Variants in SPIDR observed in about 807,000 individuals in gnomAD.
The protein encoded by SPIDR is DNA repair-scaffolding protein.
Under a neutral mutation model 104.6 loss-of-function variants are expected in SPIDR, and 93 were observed. The ratio of observed to expected loss-of-function variants is 0.89; its 90% confidence interval spans 0.75 to 1.06. SPIDR has a LOEUF of 1.06. Among genes scored for constraint, SPIDR ranks in the 50% least tolerant of loss-of-function variants. SPIDR has a pLI of 0.00. For synonymous variants in SPIDR, 431 were observed against 416.9 expected (o/e 1.03, Z -0.41); for missense variants, 1,154 against 1,111.2 (o/e 1.04, Z -0.55).
intron 16 of SPIDR, among the ~76,000 whole-genome samples, chr8:47,723,971 C>T (rs1452216704): frequency 2.6e-5 from 4 of 151,214 alleles, no homozygotes; most frequent in Non-Finnish European, 5.9e-5. Context: ...TTTAAATAAA[C>T]TATTATCTTT....
At chr8:47,290,690 A>G (rs2039751132) in intron 3 of SPIDR, among the ~76,000 whole-genome samples, 1 of 152,206 alleles carries the variant, frequency 6.6e-6, no homozygotes, top group Non-Finnish European at 1.5e-5. Flanking sequence ...GCATTTTAAA[A>G]AATTTTTTGT....
intron 5 of SPIDR, among the ~76,000 whole-genome samples, chr8:47,296,389 C>T (rs1033607339): frequency 2.6e-5 from 4 of 152,110 alleles, no homozygotes; most frequent in Non-Finnish European, 4.4e-5. Flanking sequence ...AGTAGCTTTA[C>T]AGTTTCAGGT....
chr8:47,379,085 C>T (rs1215448633), intron 5 of SPIDR, among the ~76,000 whole-genome samples: 1 of 152,090 alleles, frequency 6.6e-6, no homozygotes, highest in African/African-American at 2.4e-5. Flanking sequence ...AGGGCAGTAT[C>T]CGGCACCCTA....
chr8:47,708,352 T>A (rs1033888122), intron 14 of SPIDR, among the ~76,000 whole-genome samples: 1 of 152,122 alleles, frequency 6.6e-6, no homozygotes, highest in Non-Finnish European at 1.5e-5. Flanking sequence ...GCTATAAAAA[T>A]TTTTATTAGA....
At chr8:47,488,082 GGATCAACAAATTGATA>G (rs1336823954) in intron 8 of SPIDR, among the ~76,000 whole-genome samples, 1 of 152,152 alleles carries the variant, frequency 6.6e-6, no homozygotes, top group Non-Finnish European at 1.5e-5. Context: ...TTTTTTGAAA[GGATCAACAAATTGATA>G]GACCACTAGC....
chr8:47,329,991 C>G (rs185533898), intron 5 of SPIDR, among the ~76,000 whole-genome samples: 38 of 152,258 alleles, frequency 2.5e-4, no homozygotes, highest in African/African-American at 9.1e-4. Flanking sequence ...CGCACATATG[C>G]TGAGTTTTAA....
intron 10 of SPIDR, among the ~76,000 whole-genome samples, chr8:47,670,856 A>G (rs1456857643): frequency 6.6e-6 from 1 of 152,090 alleles, no homozygotes. Context: ...CTTGTATCTC[A>G]GGCCTTTATT....
chr8:47,735,861 CT>C lies in SPIDR; in HGVS notation c.*414del. On this transcript the variant is annotated 3_prime_UTR_variant, in exon 20 of 20. Transcript: ENST00000297423. ...AAAGAATACCCTGCAAAGTGTAAACCTTTGTCCCATACTGTGATATTACTGT... is the reference window on the plus strand; with the variant it reads ...AAAGAATACCCTGCAAAGTGTAAACCTTGTCCCATACTGTGATATTACTGT... 1 of 336,450 alleles carries C rather than the reference CT, an allele frequency of 3.0e-6. No individual in the cohort carries two copies. The highest frequency in any genetic ancestry group is 5.6e-6 in the Non-Finnish European group (1 of 178,938). 20.8% of individuals were successfully genotyped at this position (336,450 alleles called of 1,614,324 possible).
chr8:47,592,558 TGC>T, intron 8 of SPIDR: 1 of 1,313,528 alleles, frequency 7.6e-7, no homozygotes, highest in Non-Finnish European at 1.1e-6. Context: ...GAACTGGTTC[TGC>T]CAGCAAACCC....
At chr8:47,520,623 C>T (rs1291281417) in intron 8 of SPIDR, among the ~76,000 whole-genome samples, 5 of 152,168 alleles carry the variant, frequency 3.3e-5, no homozygotes, top group Admixed American at 2.0e-4. Flanking sequence ...AAGAAGCTAA[C>T]TGTATTTAAT....
At chr8:47,264,180 G>A (rs1554544875) in intron 1 of SPIDR, among the ~76,000 whole-genome samples, 1 of 152,206 alleles carries the variant, frequency 6.6e-6, no homozygotes, top group Non-Finnish European at 1.5e-5. Flanking sequence ...AGGTGGTGTG[G>A]TTATGGACTA....
At chr8:47,308,817 G>A (rs917496839) in intron 5 of SPIDR, among the ~76,000 whole-genome samples, 3 of 152,246 alleles carry the variant, frequency 2.0e-5, no homozygotes, top group South Asian at 2.1e-4. Flanking sequence ...TAAGCTGCGC[G>A]CAAGCTGCTC....
intron 6 of SPIDR, among the ~76,000 whole-genome samples, chr8:47,398,442 G>A (rs904596936): frequency 2.0e-5 from 3 of 152,108 alleles, no homozygotes; most frequent in African/African-American, 7.2e-5. Flanking sequence ...TGGAGAAAAA[G>A]CAGAAAAGGG....
chr8:47,673,570 GAA>G, intron 10 of SPIDR: 4 of 587,648 alleles, frequency 6.8e-6, no homozygotes, highest in Non-Finnish European at 9.2e-6. Flanking sequence ...AACACATACA[GAA>G]AGGATATCTT....
intron 1 of SPIDR, 63 bp downstream of exon 1, chr8:47,261,054 G>T: frequency 8.2e-7 from 1 of 1,222,986 alleles, no homozygotes; most frequent in Non-Finnish European, 1.0e-6. Context: ...GCGGCGGGCC[G>T]GCGCGGGGCT....
chr8:47,291,797 T>C (rs2039949426), intron 4 of SPIDR, among the ~76,000 whole-genome samples: 1 of 152,222 alleles, frequency 6.6e-6, no homozygotes, highest in Admixed American at 6.5e-5. Context: ...CGGTAAATAC[T>C]GTGACAACCA....
intron 5 of SPIDR, among the ~76,000 whole-genome samples, chr8:47,371,297 G>T (rs2057993751): frequency 6.6e-6 from 1 of 152,128 alleles, no homozygotes; most frequent in Non-Finnish European, 1.5e-5. Context: ...AGATCACAGG[G>T]ATTAAGAGCA....
intron 8 of SPIDR, among the ~76,000 whole-genome samples, chr8:47,595,577 C>T (rs2061550782): frequency 6.6e-6 from 1 of 152,208 alleles, no homozygotes. Context: ...GAGCCCAAGC[C>T]CAGGGACTTA....
At chr8:47,668,730 GTACAC>G (rs2075355573) in intron 10 of SPIDR, among the ~76,000 whole-genome samples, 1 of 152,082 alleles carries the variant, frequency 6.6e-6, no homozygotes, top group Non-Finnish European at 1.5e-5. Flanking sequence ...TTGCATGAAA[GTACAC>G]TAAACGGATT....
Sources: gnomAD v4.1 joint callset for allele counts (sites outside exome capture counted in the v4.1 genomes callset) on GRCh38, gnomAD v4.1.1 for gene constraint, MANE v1.5 for transcripts, NCBI Gene and HGNC (gene_info 2026-07-23, HGNC 2026-07-21) for gene names.